Variants in IQSEC1 observed in about 807,000 individuals in gnomAD.
IQSEC1 encodes the protein IQ motif and Sec7 domain ArfGEF 1, also known as IQ motif and SEC7 domain-containing protein 1.
Under a neutral mutation model 91.0 loss-of-function variants are expected in IQSEC1, and 31 were observed. The observed-to-expected ratio is 0.34, with a 90% CI of 0.26 to 0.46. IQSEC1 has a LOEUF of 0.46. Among genes scored for constraint, IQSEC1 ranks in the 20% least tolerant of loss-of-function variants. The pLI, the probability that IQSEC1 is intolerant of heterozygous loss-of-function variation, is 1.00. For missense variants in IQSEC1, 1,388 were observed against 1,575.6 expected (o/e 0.88, Z 2.02); for synonymous variants, 699 against 662.6 (o/e 1.05, Z -0.84).
intron 1 of IQSEC1, among the ~76,000 whole-genome samples, chr3:12,965,533 C>T (rs577350635): frequency 4.6e-5 from 7 of 152,212 alleles, no homozygotes; most frequent in Admixed American, 1.3e-4. Context: ...GAGGCTGATG[C>T]GTGAACTATG....
At chr3:13,144,210 A>C (rs1026537908) in intron 2 of IQSEC1, among the ~76,000 whole-genome samples, 1 of 152,250 alleles carries the variant, frequency 6.6e-6, no homozygotes, top group Non-Finnish European at 1.5e-5. Flanking sequence ...TTTAGCCGAC[A>C]AAACAGAGGC....
chr3:12,974,857 C>A (rs932249127), intron 1 of IQSEC1, among the ~76,000 whole-genome samples: 13 of 152,242 alleles, frequency 8.5e-5, no homozygotes, highest in African/African-American at 1.9e-4. Flanking sequence ...GTGGGCTTGG[C>A]CCCCTGGGGC....
rs1162842810 is a variant in IQSEC1, at chr3:13,103,961, A to G, written c.303-56439T>C. Among the ~76,000 whole-genome samples the G allele has an allele frequency of 6.6e-6, 1 of 152,138 alleles. No individual in the cohort carries two copies. The highest frequency in any genetic ancestry group is 1.5e-5 in the Non-Finnish European group (1 of 68,018). On this transcript the variant is annotated intron_variant, in intron 2 of 15. Coordinates refer to the IQSEC1 transcript ENST00000648114. This position sits in a 1 kb window ranked among gnomAD's most constrained non-coding sequence, Gnocchi z 4.1. ...GGCACTCCCTGAGGTGGGTGCTACT[A>G]GTATCTTCATTTTATAGATGGGAAA...
intron 1 of IQSEC1, among the ~76,000 whole-genome samples, chr3:13,258,079 G>GATGAACAGGCAGAGCAC (rs1226799480): frequency 6.6e-6 from 1 of 152,228 alleles, no homozygotes; most frequent in Non-Finnish European, 1.5e-5. Flanking sequence ...GGGAGAGAGG[G>GATGAACAGGCAGAGCAC]ATGAACAGGC....
chr3:12,915,520 G>T (rs1323605992), intron 7 of IQSEC1, 74 bp downstream of exon 7: 2 of 1,518,372 alleles, frequency 1.3e-6, no homozygotes, highest in Non-Finnish European at 1.8e-6. Flanking sequence ...GGGTGGGTGG[G>T]AGTGAGAAGG....
rs544776500 is a variant in IQSEC1 at position 12,936,083 on chromosome 3, C to A, written c.933G>T (p.Pro311=). ...GCCGCAGGTCCGACTCGGTGCTGGA[C>A]GGCCGGTCCCCTGCCTGCGAGAGGG... ...PLPLSQAGDR[P]SSTESDLRLR... The change falls in exon 3 of 14, where the codon CCG becomes CCT. Residue 311 remains proline (P), a synonymous_variant. Coordinates refer to ENST00000613206, the MANE Select transcript of IQSEC1 (RefSeq NM_001134382.3). 3 of 1,609,242 alleles carry A rather than the reference C, an allele frequency of 1.9e-6. No homozygotes were observed. The highest frequency in any genetic ancestry group is 2.5e-6 in the Non-Finnish European group (3 of 1,179,780).
rs113261173 is a variant in IQSEC1, at chr3:12,936,221, G to A, written c.795C>T (p.Thr265=). The change falls in exon 3 of 14, where the codon ACC becomes ACT. Residue 265 remains threonine (T), a synonymous_variant. Transcript: ENST00000613206. ...PALDAARARD[T]EPQTALHGMD... is the part of the protein sequence containing the mutation. ...TGCCGTGCAGGGCTGTCTGGGGTTC[G>A]GTGTCCCGGGCCCGCGCCGCATCCA... is the stretch of plus-strand genomic sequence containing the variant. 1.7e-3 allele frequency: 2,676 copies of A among 1,613,072 alleles called. 41 individuals are homozygous for A. The African/African-American group carries it at 0.029, about 17-fold the overall frequency.
intron 2 of IQSEC1, among the ~76,000 whole-genome samples, chr3:13,122,347 G>A (rs542796192): frequency 4.3e-4 from 65 of 152,262 alleles, no homozygotes; most frequent in Non-Finnish European, 8.2e-4. Flanking sequence ...CCAGGGCCCC[G>A]AGTGCCCCTT....
intron 1 of IQSEC1, among the ~76,000 whole-genome samples, chr3:12,988,371 C>T (rs1262531861): frequency 3.9e-5 from 6 of 151,972 alleles, no homozygotes; most frequent in Non-Finnish European, 7.4e-5. Flanking sequence ...GCTGAGATTG[C>T]GCCAATGCAC....
intron 2 of IQSEC1, among the ~76,000 whole-genome samples, chr3:13,086,667 G>T (rs1246919018): frequency 6.6e-6 from 1 of 152,106 alleles, no homozygotes; most frequent in Non-Finnish European, 1.5e-5. Flanking sequence ...TGAGAGCCTC[G>T]TTCCTGCCTC....
At chr3:13,032,585 A>AT (rs138670438) in intron 1 of IQSEC1, among the ~76,000 whole-genome samples, 3,977 of 145,324 alleles carry the variant, frequency 0.027, 169 homozygotes, top group African/African-American at 0.091. Context: ...AGCTTTAAAC[A>AT]TTTTTTTTTT....
intron 2 of IQSEC1, among the ~76,000 whole-genome samples, chr3:13,144,410 C>T (rs11717674): frequency 0.26 from 39,045 of 152,052 alleles, 5,190 homozygotes; most frequent in South Asian, 0.43. Flanking sequence ...AGGGAGAGTG[C>T]GGCTTGAGTC....
chr3:13,263,439 G>GGGGGTA (rs1553581065), intron 1 of IQSEC1, among the ~76,000 whole-genome samples: 8 of 107,256 alleles, frequency 7.5e-5, no homozygotes, highest in Non-Finnish European at 1.2e-4. Context: ...GGGGGGGGGG[G>GGGGGTA]AAAGTACCTG....
chr3:13,171,305 A>T (rs1693606575), intron 1 of IQSEC1, among the ~76,000 whole-genome samples: 2 of 152,210 alleles, frequency 1.3e-5, no homozygotes, highest in Non-Finnish European at 2.9e-5. Context: ...ACACAGGAGA[A>T]AAGGTTTTCT....
At chr3:13,256,555 C>T (rs1695288967) in intron 1 of IQSEC1, among the ~76,000 whole-genome samples, 3 of 152,192 alleles carry the variant, frequency 2.0e-5, no homozygotes, top group Admixed American at 1.3e-4. Flanking sequence ...CCCAGGGGAA[C>T]TGGGGTTCCT....
At chr3:13,094,990 G>A (rs951738561) in intron 2 of IQSEC1, among the ~76,000 whole-genome samples, 1 of 152,096 alleles carries the variant, frequency 6.6e-6, no homozygotes, top group African/African-American at 2.4e-5. Context: ...GGTTTTGTTC[G>A]GTGGTGATCA....
intron 1 of IQSEC1, among the ~76,000 whole-genome samples, chr3:13,246,958 CT>C (rs1233490701): frequency 6.6e-6 from 1 of 152,208 alleles, no homozygotes; most frequent in African/African-American, 2.4e-5. Flanking sequence ...AATCCTGCCC[CT>C]GGAACGCTGG....
Position 12,901,403 on chromosome 3 carries a change from G to C in IQSEC1, c.2925C>G (p.Ser975Arg). ...SSSLLGSLFG[S>R]KRGKPPPQAH... Reference sequence around the variant, plus strand: ...CCTGGGGAGGGGGCTTCCCTCTCTTGCTCCCGAATAAGGAGCCCAGGAGGG... The same window carrying C: ...CCTGGGGAGGGGGCTTCCCTCTCTTCCTCCCGAATAAGGAGCCCAGGAGGG... Residue 975 changes from serine (S) to arginine (R), a missense_variant, in exon 14 of 14, where the codon AGC becomes AGG. By Grantham distance (110) the Ser-to-Arg change is moderately radical. This residue lies in a region of IQSEC1 where 329 missense variants were observed against 257.8 expected (regional missense o/e 1.28). Transcript: ENST00000613206. 1 of 1,544,998 alleles carries C rather than the reference G, an allele frequency of 6.5e-7. No individual in the cohort carries two copies. The highest frequency in any genetic ancestry group is 8.7e-7 in the Non-Finnish European group (1 of 1,145,958).
rs545565949 is a variant in IQSEC1 at position 12,899,349 on chromosome 3, G to A, written c.*1634C>T. On this transcript the variant is annotated 3_prime_UTR_variant, in exon 14 of 14. Coordinates refer to ENST00000613206, the MANE Select transcript of IQSEC1 (RefSeq NM_001134382.3). ...CTTCGCCCTTTCTGAAAGGGCCTCC[G>A]CCTGGGCAGGCGCCGGGGGGCAGTC... 41 of 1,608,094 alleles carry A rather than the reference G, an allele frequency of 2.5e-5. No homozygotes were observed. Among genetic ancestry groups the A allele is most frequent in the Admixed American group, 1.8e-4 (11 of 59,654 alleles).
Sources: gnomAD v4.1 joint callset for allele counts (sites outside exome capture counted in the v4.1 genomes callset) on GRCh38, gnomAD v4.1.1 for gene constraint, gnomAD v4.1.1 regional missense constraint, Gnocchi (gnomAD v3.1) non-coding constraint, MANE v1.5 for transcripts, NCBI Gene and HGNC (gene_info 2026-07-23, HGNC 2026-07-21) for gene names.